The following CADM2 variants were observed in gnomAD, a reference collection of about 807,000 sequenced individuals.
CADM2 encodes immunoglobulin superfamily member 4D.
In CADM2, 12 loss-of-function variants were observed where a neutral mutation model predicts 49.8. The ratio of observed to expected loss-of-function variants is 0.24; its 90% CI spans 0.15 to 0.39. The LOEUF (loss-of-function observed/expected upper bound fraction) is 0.39, where lower values mean the gene tolerates loss of function less well. CADM2 is among the 10% of genes least tolerant of loss of function. CADM2 has a pLI of 1.00. For synonymous variants in CADM2, 214 were observed against 175.4 expected, an observed-to-expected ratio of 1.22 and a Z score of -1.74; for missense variants, 378 against 492.3, an observed-to-expected ratio of 0.77 and a Z score of 2.20.
intron 1 of CADM2, among the ~76,000 whole-genome samples, chr3:85,628,859 CTT>C (rs988692876): frequency 1.3e-4 from 20 of 149,058 alleles, no homozygotes; most frequent in Admixed American, 4.1e-4. Flanking sequence ...TTCTTTGACT[CTT>C]ATCGTTTTTC....
At chr3:86,012,565 C>T (rs1354916081) in intron 8 of CADM2, 2 of 1,529,774 alleles carry the variant, frequency 1.3e-6, no homozygotes, top group East Asian at 2.6e-5. Flanking sequence ...GCGAAGATGC[C>T]GAACTTCTGC....
intron 1 of CADM2, among the ~76,000 whole-genome samples, chr3:85,548,072 T>C (rs559886172): frequency 6.6e-6 from 1 of 151,948 alleles, no homozygotes; most frequent in African/African-American, 2.4e-5. Context: ...ACTAGCTGTG[T>C]TAACTAGAGC....
chr3:85,558,357 G>GATAA lies in CADM2; in HGVS notation c.62-168165_62-168164insATAA, dbSNP rs2062013137. 2.0e-5 allele frequency among the ~76,000 whole-genome samples: 3 copies of GATAA among 151,812 alleles called. No individual in the cohort carries two copies. In the South Asian group the frequency reaches 6.2e-4, roughly 31 times the overall value. On this transcript the variant is annotated intron_variant, in intron 1 of 9. Coordinates refer to ENST00000383699, the MANE Select transcript of CADM2 (RefSeq NM_001167675.2). ...GCAGCAAATACTAAGTACCTTATTT[G>GATAA]GGAAGTAGAAAATAAATAGTAATTA...
intron 1 of CADM2, among the ~76,000 whole-genome samples, chr3:85,150,949 A>G (rs1457497828): frequency 6.7e-6 from 1 of 149,768 alleles, no homozygotes; most frequent in Non-Finnish European, 1.5e-5. Flanking sequence ...AATAATAATA[A>G]TAATAATTGG....
chr3:85,295,203 C>G (rs574345632), intron 1 of CADM2, among the ~76,000 whole-genome samples: 185 of 152,300 alleles, frequency 1.2e-3, no homozygotes, highest in African/African-American at 4.4e-3. Context: ...CTCATCATCA[C>G]TGGCCATCAG....
chr3:86,023,613 C>T (rs1228226990), intron 8 of CADM2, among the ~76,000 whole-genome samples: 1 of 152,102 alleles, frequency 6.6e-6, no homozygotes, highest in Non-Finnish European at 1.5e-5. Context: ...CCGCCTCGGC[C>T]TCCCAAAGTC....
At chr3:85,552,937 A>G (rs1055752405) in intron 1 of CADM2, among the ~76,000 whole-genome samples, 5 of 152,232 alleles carry the variant, frequency 3.3e-5, no homozygotes, top group African/African-American at 1.2e-4. Context: ...TCGGCCTCCC[A>G]AAGTCCTGGG....
At chr3:85,183,183 C>A (rs986462063) in intron 1 of CADM2, among the ~76,000 whole-genome samples, 3 of 152,046 alleles carry the variant, frequency 2.0e-5, no homozygotes, top group African/African-American at 7.2e-5. Flanking sequence ...GCATTAGAGG[C>A]TAAAATCTGT....
chr3:85,299,305 T>G lies in CADM2; in HGVS notation c.61+339637T>G, dbSNP rs556481933. Among the ~76,000 whole-genome samples the G allele has an allele frequency of 4.6e-5, 7 of 152,192 alleles. 1 individual carries two copies. In the South Asian group the frequency reaches 1.2e-3, roughly 27 times the overall value. On this transcript the variant is annotated intron_variant, in intron 1 of 9. Transcript: ENST00000383699. ...ATAAATGTAAAACTGGGGATGCATATGGCCAAAAATTATATTCTAATTACA... is the reference window on the plus strand; with the variant it reads ...ATAAATGTAAAACTGGGGATGCATAGGGCCAAAAATTATATTCTAATTACA...
intron 1 of CADM2, among the ~76,000 whole-genome samples, chr3:85,582,903 T>C (rs1415633594): frequency 6.6e-6 from 1 of 152,166 alleles, no homozygotes; most frequent in African/African-American, 2.4e-5. Flanking sequence ...GCAAGTCATT[T>C]ACTTACCTTC....
chr3:85,312,881 A>C (rs1341124109), intron 1 of CADM2, among the ~76,000 whole-genome samples: 1 of 152,152 alleles, frequency 6.6e-6, no homozygotes, highest in East Asian at 1.9e-4. Flanking sequence ...CTAGTACAAA[A>C]TATTATGTAT....
chr3:85,419,234 T>A (rs1300198200), intron 1 of CADM2, among the ~76,000 whole-genome samples: 1 of 152,036 alleles, frequency 6.6e-6, no homozygotes, highest in African/African-American at 2.4e-5. Context: ...GATGGGTGGA[T>A]CAAGAGGTCA....
At chr3:85,254,293 C>T (rs999612421) in intron 1 of CADM2, among the ~76,000 whole-genome samples, 6 of 152,026 alleles carry the variant, frequency 3.9e-5, no homozygotes, top group African/African-American at 1.4e-4. Flanking sequence ...GGGCACCACC[C>T]TAAAGGCACC....
intron 2 of CADM2, among the ~76,000 whole-genome samples, chr3:85,727,855 TA>T (rs1379933416): frequency 6.6e-6 from 1 of 152,032 alleles, no homozygotes; most frequent in African/African-American, 2.4e-5. Context: ...GTAGTGTATT[TA>T]AAAAAATAAT....
chr3:85,346,860 A>G (rs1424866270), intron 1 of CADM2, among the ~76,000 whole-genome samples: 1 of 152,236 alleles, frequency 6.6e-6, no homozygotes, highest in African/African-American at 2.4e-5. Flanking sequence ...TTAAAACAGC[A>G]TTCACACTGT....
chr3:85,823,850 G>A (rs369693008), intron 3 of CADM2, among the ~76,000 whole-genome samples: 2 of 152,090 alleles, frequency 1.3e-5, no homozygotes, highest in East Asian at 3.9e-4. Context: ...AGGTATGTAA[G>A]TATAATAGAG....
intron 1 of CADM2, among the ~76,000 whole-genome samples, chr3:85,565,925 G>A (rs1382334758): frequency 6.6e-6 from 1 of 151,696 alleles, no homozygotes; most frequent in Non-Finnish European, 1.5e-5. Flanking sequence ...TTATAAGTAA[G>A]CACTGGATTG....
intron 8 of CADM2, among the ~76,000 whole-genome samples, chr3:86,057,622 T>C (rs1201845804): frequency 6.6e-6 from 1 of 152,190 alleles, no homozygotes; most frequent in Non-Finnish European, 1.5e-5. Flanking sequence ...CAAGAAAACA[T>C]ATCTTTGGGG....
chr3:85,834,615 T>C (rs1053844295), intron 3 of CADM2, among the ~76,000 whole-genome samples: 19 of 151,672 alleles, frequency 1.3e-4, no homozygotes, highest in Non-Finnish European at 2.2e-4. Context: ...ATTTATGTTC[T>C]GAGTTTGACT....
Sources: allele counts gnomAD v4.1 joint callset (sites outside exome capture counted in the v4.1 genomes callset), GRCh38; gene constraint gnomAD v4.1.1; transcripts MANE v1.5; gene names NCBI Gene and HGNC (gene_info 2026-07-23, HGNC 2026-07-21).